Variants in SLC22A23 observed in about 807,000 individuals in gnomAD.
SLC22A23 encodes the protein ion transporter protein.
A neutral mutation model predicts 61.0 loss-of-function variants in SLC22A23; 26 were observed. The observed-to-expected ratio is 0.43, with a 90% CI of 0.31 to 0.59. The LOEUF (loss-of-function observed/expected upper bound fraction) is 0.59, where lower values mean the gene tolerates loss of function less well. Among genes scored for constraint, SLC22A23 ranks in the 20% least tolerant of loss-of-function variants. The pLI, the probability that SLC22A23 is intolerant of heterozygous loss-of-function variation, is 0.11. For missense variants in SLC22A23, 796 were observed against 934.7 expected, an observed-to-expected ratio of 0.85 and a Z score of 1.94; for synonymous variants, 430 against 413.9, an observed-to-expected ratio of 1.04 and a Z score of -0.47.
chr6:3,287,459 GCCACTGCACAC>G (rs905244743), intron 6 of SLC22A23, among the ~76,000 whole-genome samples: 10 of 149,948 alleles, frequency 6.7e-5, no homozygotes, highest in African/African-American at 2.5e-4. Context: ...CAATCCAACA[GCCACTGCACAC>G]CCACTTCACA....
At chr6:3,364,722 G>A (rs916858705) in intron 3 of SLC22A23, among the ~76,000 whole-genome samples, 3 of 152,224 alleles carry the variant, frequency 2.0e-5, no homozygotes, top group Non-Finnish European at 4.4e-5. Context: ...CACCTGACAG[G>A]AGAAGCGCAG....
chr6:3,275,476 T>C (rs1426908629), intron 9 of SLC22A23, among the ~76,000 whole-genome samples: 1 of 152,164 alleles, frequency 6.6e-6, no homozygotes, highest in Non-Finnish European at 1.5e-5. Flanking sequence ...TGGACTTCAT[T>C]AGGATTAAAA....
intron 3 of SLC22A23, among the ~76,000 whole-genome samples, chr6:3,343,696 C>T (rs1266163371): frequency 6.6e-6 from 1 of 152,184 alleles, no homozygotes; most frequent in Non-Finnish European, 1.5e-5. Context: ...TTGAATTGCC[C>T]ATCTATCTGC....
At chr6:3,411,258 G>A (rs1308851654) in intron 2 of SLC22A23, among the ~76,000 whole-genome samples, 2 of 152,154 alleles carry the variant, frequency 1.3e-5, no homozygotes, top group Non-Finnish European at 2.9e-5. Flanking sequence ...TTGGTCTAAA[G>A]GATAACTCAG....
At chr6:3,316,321 G>A (rs60773882) in intron 4 of SLC22A23, among the ~76,000 whole-genome samples, 58,110 of 152,194 alleles carry the variant, frequency 0.38, 11,486 homozygotes, top group Non-Finnish European at 0.42. Context: ...TAAGGAATTC[G>A]AGAGTACTAT....
chr6:3,284,500 C>T (rs1759782932), intron 8 of SLC22A23, among the ~76,000 whole-genome samples: 1 of 152,188 alleles, frequency 6.6e-6, no homozygotes, highest in Non-Finnish European at 1.5e-5. Flanking sequence ...GCACAGTGCA[C>T]GGGCATGCTG....
intron 5 of SLC22A23, among the ~76,000 whole-genome samples, chr6:3,296,074 C>T (rs74984796): frequency 0.015 from 2,259 of 148,164 alleles, 37 homozygotes; most frequent in Middle Eastern, 0.041. Flanking sequence ...AATATTTTAA[C>T]GTGAAAGAAG....
At chr6:3,421,004 G>A (rs1015425703) in intron 1 of SLC22A23, among the ~76,000 whole-genome samples, 7 of 152,114 alleles carry the variant, frequency 4.6e-5, no homozygotes, top group African/African-American at 7.2e-5. Context: ...AGGAGCCTAC[G>A]GCATGAGAAT....
chr6:3,425,756 G>A (rs968871245), intron 1 of SLC22A23, among the ~76,000 whole-genome samples: 18 of 152,150 alleles, frequency 1.2e-4, no homozygotes, highest in Admixed American at 1.2e-3. Context: ...ATTATTACCA[G>A]TATGTCCATT....
chr6:3,291,757 T>A (rs1012183830), intron 5 of SLC22A23: 6 of 152,198 alleles, frequency 3.9e-5, no homozygotes, highest in Non-Finnish European at 8.8e-5. Context: ...ATTATAGAAC[T>A]CATCAGAAAC....
chr6:3,370,136 G>A (rs1766112517), intron 3 of SLC22A23, among the ~76,000 whole-genome samples: 1 of 152,004 alleles, frequency 6.6e-6, no homozygotes. Context: ...TCCTGGTTGG[G>A]AATTTTTTTT....
chr6:3,326,202 C>T (rs9503536), intron 3 of SLC22A23, among the ~76,000 whole-genome samples: 17,673 of 152,248 alleles, frequency 0.12, 1,126 homozygotes, highest in East Asian at 0.23. Context: ...GTGGCTGGCA[C>T]ATCTCTTAGT....
At chr6:3,443,039 G>A (rs772279133) in intron 1 of SLC22A23, among the ~76,000 whole-genome samples, 7 of 152,108 alleles carry the variant, frequency 4.6e-5, no homozygotes, top group East Asian at 3.8e-4. Flanking sequence ...AATTGCTCAG[G>A]GCTCTGTAAA....
intron 3 of SLC22A23, among the ~76,000 whole-genome samples, chr6:3,340,567 G>A (rs1034598346): frequency 6.6e-6 from 1 of 152,148 alleles, no homozygotes; most frequent in African/African-American, 2.4e-5. Flanking sequence ...AAAGTGACTC[G>A]ATTTCTAACC....
In SLC22A23 at chr6:3,269,254, T is replaced by A. The variant is rs1758319887; in HGVS notation, c.*3801A>T. 1 of 152,302 alleles carries A rather than the reference T, an allele frequency of 6.6e-6. No homozygotes were observed. The highest frequency in any genetic ancestry group is 1.5e-5 in the Non-Finnish European group (1 of 68,030). 9.4% of individuals were successfully genotyped at this position (152,302 alleles called of 1,614,324 possible). A position where few individuals can be genotyped will look rare whatever the true frequency, so the allele number is the denominator to read the frequency against. On this transcript the variant is annotated 3_prime_UTR_variant, in exon 10 of 10. Transcript: ENST00000406686. The stretch of plus-strand genomic sequence containing the variant: ...ATCCAGCCTCTGCCTCTGACTACCT[T>A]TAAGACCAGGACTCGAAGCAGAGTG...
rs770229035 is a variant in SLC22A23, at chr6:3,372,925, G to A, written c.913+37263C>T. Among the ~76,000 whole-genome samples, 4 of 152,178 alleles carry A rather than the reference G, an allele frequency of 2.6e-5. No individual in the cohort carries two copies. Among genetic ancestry groups the A allele is most frequent in the Admixed American group, 6.5e-5 (1 of 15,282 alleles). On this transcript the variant is annotated intron_variant, in intron 3 of 9. Coordinates refer to ENST00000406686, the MANE Select transcript of SLC22A23 (RefSeq NM_015482.2). The surrounding 1 kb of genome is among the most constrained non-coding windows in gnomAD (Gnocchi z 4.7). Reference sequence around the variant, plus strand: ...AATTAGCCAAAAGCTTGCCCAGTCCGTGCCTTCAGCCTATGTTATCATGCA... The same window carrying A: ...AATTAGCCAAAAGCTTGCCCAGTCCATGCCTTCAGCCTATGTTATCATGCA...
At position 3,414,811 on chromosome 6, in the gene SLC22A23, C is replaced by T. The variant is rs960811168; in HGVS notation, c.758+941G>A. Among the ~76,000 whole-genome samples the T allele has an allele frequency of 2.6e-5, 4 of 151,906 alleles. No homozygotes were observed. The highest frequency in any genetic ancestry group is 5.9e-5 in the Non-Finnish European group (4 of 67,998). The stretch of plus-strand genomic sequence containing the variant: ...ACTACGCCTCTCTCCTGAGCAATCT[C>T]GCTACTTGAAAAACCTGTCAACATT... On this transcript the variant is annotated intron_variant, in intron 2 of 9. Transcript: ENST00000406686. This position sits in a 1 kb window ranked among gnomAD's most constrained non-coding sequence, Gnocchi z 5.1.
At chr6:3,407,355 A>G (rs1387692894) in intron 3 of SLC22A23, among the ~76,000 whole-genome samples, 1 of 152,174 alleles carries the variant, frequency 6.6e-6, no homozygotes, top group Non-Finnish European at 1.5e-5. Context: ...ACTCAGCTTT[A>G]TTGACTGGGA....
intron 3 of SLC22A23, among the ~76,000 whole-genome samples, chr6:3,335,885 C>T (rs1237644886): frequency 6.6e-6 from 1 of 152,110 alleles, no homozygotes; most frequent in Non-Finnish European, 1.5e-5. Flanking sequence ...GTTAGGAGAT[C>T]GAGGCCATCC....
Sources: allele counts gnomAD v4.1 joint callset (sites outside exome capture counted in the v4.1 genomes callset), GRCh38; gene constraint gnomAD v4.1.1; non-coding constraint Gnocchi (gnomAD v3.1); transcripts MANE v1.5; gene names NCBI Gene and HGNC (gene_info 2026-07-23, HGNC 2026-07-21).